Variants in CCDC7 observed in about 807,000 individuals in gnomAD.
CCDC7 encodes the protein coiled-coil domain containing 7.
A neutral mutation model predicts 196.9 loss-of-function variants in CCDC7; 183 were observed. That is an observed-to-expected ratio of 0.93 (90% CI 0.82 to 1.05). CCDC7 has a LOEUF of 1.05. Ranked by LOEUF, CCDC7 falls within the 50% of genes least tolerant of loss-of-function variation. CCDC7 has a pLI of 0.00. For missense variants in CCDC7, 1,540 were observed against 1,482.2 expected, an observed-to-expected ratio of 1.04 and a Z score of -0.64; for synonymous variants, 525 against 484.6, an observed-to-expected ratio of 1.08 and a Z score of -1.10.
At chr10:32,778,504 A>G (rs1394177115) in intron 28 of CCDC7, among the ~76,000 whole-genome samples, 1 of 152,070 alleles carries the variant, frequency 6.6e-6, no homozygotes, top group Non-Finnish European at 1.5e-5. Flanking sequence ...ATGTGGCTTT[A>G]TTTCTGGGTT....
intron 16 of CCDC7, among the ~76,000 whole-genome samples, chr10:32,582,141 C>A (rs1006119780): frequency 8.0e-3 from 488 of 60,706 alleles, no homozygotes; most frequent in Non-Finnish European, 0.013. Context: ...TATATATATA[C>A]TTTTTTTTTC....
chr10:32,462,645 C>G (rs2035976102), intron 3 of CCDC7, 38 bp from the exon 5 acceptor site: 2 of 1,364,544 alleles, frequency 1.5e-6, no homozygotes, highest in East Asian at 5.1e-5. Flanking sequence ...GTGAAGCATT[C>G]TAATTTTAAA....
At chr10:32,522,206 G>A (rs1336055203) in intron 11 of CCDC7, among the ~76,000 whole-genome samples, 3 of 152,164 alleles carry the variant, frequency 2.0e-5, no homozygotes, top group South Asian at 2.1e-4. Context: ...GAGTTTGGAA[G>A]TATTCCCTCC....
upstream of CCDC7, among the ~76,000 whole-genome samples, chr10:32,449,854 C>G (rs1317962297): frequency 3.3e-5 from 5 of 152,158 alleles, no homozygotes; most frequent in African/African-American, 1.2e-4. Context: ...AAAAAGCTCC[C>G]TTGCTCCTTC....
intron 28 of CCDC7, among the ~76,000 whole-genome samples, chr10:32,736,225 C>T (rs993038107): frequency 2.0e-5 from 3 of 151,976 alleles, no homozygotes; most frequent in Admixed American, 6.6e-5. Context: ...ATTTTGATTG[C>T]GATTGCATTG....
At position 32,738,473 on chromosome 10, in the gene CCDC7, C is replaced by CTTTT. The variant is rs33944221; in HGVS notation, c.2905+9034_2905+9037dup. ...AAAGAATATAAAATGGTTTCTTTCA[C>CTTTT]TTTTTTTTTTTTTTTTTTTTTGACA... is the stretch of plus-strand genomic sequence containing the variant. On this transcript the variant is annotated intron_variant, in intron 28 of 41. Transcript: ENST00000639629. Among the ~76,000 whole-genome samples, 605 of 109,662 alleles carry CTTTT rather than the reference C, an allele frequency of 5.5e-3. 19 individuals carry two copies. The highest frequency in any genetic ancestry group is 0.018 in the African/African-American group (517 of 28,400). 71.9% of individuals were successfully genotyped at this position (109,662 alleles called of 152,430 possible).
chr10:32,778,151 G>T (rs2080419357), intron 28 of CCDC7, among the ~76,000 whole-genome samples: 1 of 152,174 alleles, frequency 6.6e-6, no homozygotes, highest in Non-Finnish European at 1.5e-5. Flanking sequence ...CTAATCCGTT[G>T]ATAGTTCCTT....
chr10:32,455,688 A>G lies in CCDC7; in HGVS notation c.373-563A>G, dbSNP rs115041863. Among the ~76,000 whole-genome samples, 349 of 152,322 alleles carry G rather than the reference A, an allele frequency of 2.3e-3. 1 individual carries two copies. The highest frequency in any genetic ancestry group is 7.4e-3 in the African/African-American group (307 of 41,568). On this transcript the variant is annotated intron_variant, in intron 2 of 41. Coordinates refer to ENST00000639629, the Ensembl canonical transcript of CCDC7. ...ACCACTCTATGAAAATCCTAACTGT[A>G]TATAAGCCTGTAATATTTGTTTATC...
intron 8 of CCDC7, among the ~76,000 whole-genome samples, chr10:32,486,585 C>T (rs1360793997): frequency 2.1e-4 from 1 of 4,774 alleles, no homozygotes. Flanking sequence ...GCAGCTTCTT[C>T]CTAGCCTCGA....
chr10:32,555,576 T>C (rs983061428), intron 13 of CCDC7, among the ~76,000 whole-genome samples: 9 of 152,164 alleles, frequency 5.9e-5, no homozygotes, highest in African/African-American at 1.9e-4. Flanking sequence ...GGACACATTC[T>C]GTAAGGAAGT....
At chr10:32,462,654 A>G (rs182939095) in intron 3 of CCDC7, 29 bp from the exon 5 acceptor site, 102 of 1,385,998 alleles carry the variant, frequency 7.4e-5, no homozygotes, top group Admixed American at 6.7e-4. Flanking sequence ...TCTAATTTTA[A>G]ATGTGTTAAT....
At chr10:32,701,985 G>T (rs2078829917) in intron 24 of CCDC7, among the ~76,000 whole-genome samples, 1 of 152,144 alleles carries the variant, frequency 6.6e-6, no homozygotes, top group Non-Finnish European at 1.5e-5. Flanking sequence ...TGGATTCATT[G>T]ATTTTTTTGA....
chr10:32,498,896 C>T (rs1475925945), intron 9 of CCDC7, among the ~76,000 whole-genome samples: 2 of 150,398 alleles, frequency 1.3e-5, no homozygotes, highest in Admixed American at 1.3e-4. Flanking sequence ...ATATCTTTGT[C>T]GTGTTCTCTG....
chr10:32,647,393 C>T (rs1271020255), intron 20 of CCDC7, among the ~76,000 whole-genome samples: 1 of 146,744 alleles, frequency 6.8e-6, no homozygotes, highest in East Asian at 2.1e-4. Flanking sequence ...CCTGTAATCC[C>T]AGCTACCTGG....
chr10:32,528,502 T>C (rs1484914667), intron 11 of CCDC7, among the ~76,000 whole-genome samples: 1 of 151,088 alleles, frequency 6.6e-6, no homozygotes, highest in African/African-American at 2.4e-5. Context: ...GAGCATACGG[T>C]GTTTGGTTTT....
intron 20 of CCDC7, among the ~76,000 whole-genome samples, chr10:32,657,214 G>A (rs1428093581): frequency 6.6e-6 from 1 of 152,164 alleles, no homozygotes; most frequent in East Asian, 1.9e-4. Context: ...CTTCCATTCT[G>A]GGGTCTGGAG....
chr10:32,569,785 AT>A (rs1266777460), intron 15 of CCDC7, among the ~76,000 whole-genome samples: 1 of 152,120 alleles, frequency 6.6e-6, no homozygotes, highest in Non-Finnish European at 1.5e-5. Context: ...ATGTTTAATC[AT>A]TTATTTTTTA....
At position 32,568,297 on chromosome 10, in the gene CCDC7, G is replaced by A. The variant is rs138204607; in HGVS notation, c.1419+406G>A. On this transcript the variant is annotated intron_variant, in intron 15 of 41. Transcript: ENST00000639629. ...TGGGATTACAGGCATGAGCCACCGC[G>A]CCCGGCCTTTGGATTTGTTTTTACT... Among the ~76,000 whole-genome samples, 6 of 152,118 alleles carry A rather than the reference G, an allele frequency of 3.9e-5. No individual in the cohort carries two copies. The East Asian group carries it at 5.8e-4, about 15-fold the overall frequency.
chr10:32,821,418 T>C (rs2090164709), intron 31 of CCDC7, among the ~76,000 whole-genome samples: 1 of 152,078 alleles, frequency 6.6e-6, no homozygotes, highest in African/African-American at 2.4e-5. Context: ...TCTTCAGGGA[T>C]CTAGAACTAG....
Sources: allele counts gnomAD v4.1 joint callset (sites outside exome capture counted in the v4.1 genomes callset), GRCh38; gene constraint gnomAD v4.1.1; transcripts MANE v1.5; gene names NCBI Gene and HGNC (gene_info 2026-07-23, HGNC 2026-07-21).